CACNA1H: variants seen among roughly 807,000 people sequenced by gnomAD.
CACNA1H encodes voltage-dependent T-type calcium channel subunit alpha-1H.
CACNA1H carries 149 observed loss-of-function variants against 192.5 expected under a neutral mutation model. The observed-to-expected ratio is 0.77, with a 90% CI of 0.68 to 0.89. The LOEUF is 0.89. Among genes scored for constraint, CACNA1H ranks in the 40% least tolerant of loss-of-function variants. The pLI is 0.00. For synonymous variants in CACNA1H, 2,202 were observed against 1,475.2 expected (o/e 1.49, Z -11.29); for missense variants, 4,257 against 3,423.5 (o/e 1.24, Z -6.08).
At chr16:1,198,022 C>T (rs1444866278) in intron 5 of CACNA1H, among the ~76,000 whole-genome samples, 1 of 152,172 alleles carries the variant, frequency 6.6e-6, no homozygotes, top group Non-Finnish European at 1.5e-5. Context: ...CAGCCTCTCT[C>T]TGAGATGGGG....
In CACNA1H at chr16:1,153,372, C is replaced by CGGAGGT. The variant is rs1961828170; in HGVS notation, c.-116_-115insGAGGTG. On this transcript the variant is annotated 5_prime_UTR_variant, in exon 1 of 35. Coordinates refer to ENST00000348261, the MANE Select transcript of CACNA1H (RefSeq NM_021098.3). ...CCGGGGCCGGGGCCGGGGGCGGAGG[C>CGGAGGT]GCTGGGGGCCGGGGCCGGGGCCGGG... is the stretch of plus-strand genomic sequence containing the variant. 8.9e-6 allele frequency: 1 copy of CGGAGGT among 111,854 alleles called. No homozygotes were observed. Among genetic ancestry groups the CGGAGGT allele is most frequent in the Non-Finnish European group, 2.1e-5 (1 of 47,394 alleles). The allele number at this position is 111,854 out of a possible 1,614,324, so 6.9% of individuals were successfully genotyped here.
At position 1,204,366 on chromosome 16, in the gene CACNA1H, C is replaced by A. The variant is rs747178657; in HGVS notation, c.2359C>A (p.Arg787Ser). The change falls in exon 10 of 35, where the codon CGC (arginine) becomes AGC (serine). Residue 787 changes from arginine (R) to serine (S), a missense_variant. Coordinates refer to ENST00000348261, the MANE Select transcript of CACNA1H (RefSeq NM_021098.3). ...CTGGGTTACCTTCAGCGGCAAGCTG[C>A]GCCGCATCGTGGACAGCAAGTACTT... ...RLWVTFSGKLRRIVDSKYFSR... is the reference protein window; with the variant it reads ...RLWVTFSGKLSRIVDSKYFSR... The A allele has an allele frequency of 4.5e-6, 7 of 1,572,548 alleles. No homozygotes were observed. Among genetic ancestry groups the A allele is most frequent in the South Asian group, 3.6e-5 (3 of 83,488 alleles).
chr16:1,190,050 G>A (rs1404825280), intron 2 of CACNA1H, among the ~76,000 whole-genome samples: 2 of 152,204 alleles, frequency 1.3e-5, no homozygotes, highest in African/African-American at 2.4e-5. Context: ...AGGGTGAGTG[G>A]GTGCATTGCT....
chr16:1,210,350 A>ACTC lies in CACNA1H; in HGVS notation c.3846-19_3846-18insTCC. ...TCCACGCCGCCCCGCCCCACCTCTC[A>ACTC]CCCGCCCCCGCCCACCCAGGTTCCG... is the stretch of plus-strand genomic sequence containing the variant. On this transcript the variant is annotated intron_variant, in intron 18 of 34. Transcript: ENST00000348261. The ACTC allele has an allele frequency of 3.2e-6, 1 of 313,946 alleles. No individual in the cohort carries two copies. Among genetic ancestry groups the ACTC allele is most frequent in the Admixed American group, 8.2e-5 (1 of 12,268 alleles). The allele number at this position is 313,946 out of a possible 1,614,324, so 19.4% of individuals were successfully genotyped here.
intron 2 of CACNA1H, among the ~76,000 whole-genome samples, chr16:1,163,334 G>A (rs12051303): frequency 2.0e-5 from 3 of 152,338 alleles, no homozygotes; most frequent in East Asian, 1.9e-4. Flanking sequence ...GGCCGGCGCC[G>A]GGGTACGGTG....
At chr16:1,190,429 C>G (rs886094940) in intron 2 of CACNA1H, among the ~76,000 whole-genome samples, 1 of 152,232 alleles carries the variant, frequency 6.6e-6, no homozygotes, top group Non-Finnish European at 1.5e-5. Flanking sequence ...GGCCAGCCTG[C>G]TCAGCCCAGA....
At chr16:1,188,340 A>G (rs1334729727) in intron 2 of CACNA1H, among the ~76,000 whole-genome samples, 2 of 151,964 alleles carry the variant, frequency 1.3e-5, no homozygotes, top group Non-Finnish European at 2.9e-5. Flanking sequence ...CCCTGTCCCT[A>G]CCCAGGACCC....
At chr16:1,197,634 G>A (rs377053056) in intron 5 of CACNA1H, among the ~76,000 whole-genome samples, 1 of 152,222 alleles carries the variant, frequency 6.6e-6, no homozygotes, top group Non-Finnish European at 1.5e-5. Context: ...GGCGGTTGCG[G>A]TCTGGCCAGG....
At position 1,167,902 on chromosome 16, in the gene CACNA1H, C is replaced by T. The variant is rs946072216; in HGVS notation, c.299+13866C>T. Among the ~76,000 whole-genome samples, 4 of 152,188 alleles carry T rather than the reference C, an allele frequency of 2.6e-5. No homozygotes were observed. Among genetic ancestry groups the T allele is most frequent in the Non-Finnish European group, 2.9e-5 (2 of 68,012 alleles). Reference sequence around the variant, plus strand: ...TGGCAGCAGGTGCTCAGTAAGCACTCGCCCCACCAGTGCGTGGAGCACGTG... The same window carrying T: ...TGGCAGCAGGTGCTCAGTAAGCACTTGCCCCACCAGTGCGTGGAGCACGTG... On this transcript the variant is annotated intron_variant, in intron 2 of 34. Coordinates refer to ENST00000348261, the MANE Select transcript of CACNA1H (RefSeq NM_021098.3). The surrounding 1 kb of genome is among the most constrained non-coding windows in gnomAD (Gnocchi z 4.2).
At chr16:1,178,945 G>A (rs895752525) in intron 2 of CACNA1H, among the ~76,000 whole-genome samples, 4 of 152,200 alleles carry the variant, frequency 2.6e-5, no homozygotes, top group African/African-American at 9.6e-5. Flanking sequence ...CATCTCCCCA[G>A]CAGGCTGGCC....
chr16:1,204,287 G>C lies in CACNA1H; in HGVS notation c.2280G>C (p.Gln760His). The C allele has an allele frequency of 6.2e-7, 1 of 1,602,774 alleles. No individual in the cohort carries two copies. Among genetic ancestry groups the C allele is most frequent in the Non-Finnish European group, 8.5e-7 (1 of 1,174,472 alleles). The change falls in exon 10 of 35, where the codon CAG becomes CAC. Residue 760 changes from glutamine to histidine, a missense_variant. Transcript: ENST00000348261. ...DTPGPGPGSPQRRAQQRAAPG... is the reference protein window; with the variant it reads ...DTPGPGPGSPHRRAQQRAAPG... ...CAGGCCCAGGCCCAGGCAGCCCCCA[G>C]CGGCGGGCACAGCAGAGGGCAGCCC...
In CACNA1H at chr16:1,153,321, C is replaced by CGGGCCGGGGGCGGAGGCGCTGG. The variant is rs1567417310; in HGVS notation, c.-158_-137dup. The CGGGCCGGGGGCGGAGGCGCTGG allele has an allele frequency of 1.8e-4, 25 of 140,154 alleles. No individual in the cohort carries two copies. Among genetic ancestry groups the CGGGCCGGGGGCGGAGGCGCTGG allele is most frequent in the Admixed American group, 1.1e-3 (16 of 14,340 alleles). 8.7% of individuals were successfully genotyped at this position (140,154 alleles called of 1,614,324 possible). On this transcript the variant is annotated 5_prime_UTR_variant, in exon 1 of 35. Transcript: ENST00000348261. Reference sequence around the variant, plus strand: ...CCGGGAGCCGGGCGGGCTGGGGACGCGGGCCGGGGGCGGAGGCGCTGGGGG... The same window carrying CGGGCCGGGGGCGGAGGCGCTGG: ...CCGGGAGCCGGGCGGGCTGGGGACGCGGGCCGGGGGCGGAGGCGCTGGGGGCCGGGGGCGGAGGCGCTGGGGG...
At chr16:1,172,855 C>T (rs886166039) in intron 2 of CACNA1H, among the ~76,000 whole-genome samples, 19 of 152,056 alleles carry the variant, frequency 1.2e-4, no homozygotes, top group African/African-American at 1.9e-4. Flanking sequence ...TCCTCCGAGG[C>T]GGGGCAGGGG....
At position 1,208,089 on chromosome 16, in the gene CACNA1H, C is replaced by T. The variant is rs960879753; in HGVS notation, c.3231C>T (p.Ile1077=). The stretch of plus-strand genomic sequence containing the variant: ...GAGGCAGCCTGTCCCCTCCCCTCAT[C>T]ATGTGCACAGCTGCCACGCCCATGC... ...EGRGSLSPPL[I]MCTAATPMPT... The change falls in exon 16 of 35, where the codon ATC becomes ATT. Residue 1077 remains isoleucine (I), a synonymous_variant. Transcript: ENST00000348261. 5 of 1,600,094 alleles carry T rather than the reference C, an allele frequency of 3.1e-6. No homozygotes were observed. Among genetic ancestry groups the T allele is most frequent in the Non-Finnish European group, 4.3e-6 (5 of 1,174,628 alleles).
In CACNA1H at chr16:1,220,680, C is replaced by A. The variant is rs375586314; in HGVS notation, c.6748C>A (p.Arg2250Ser). 1.1e-5 allele frequency: 18 copies of A among 1,609,328 alleles called. No homozygotes were observed. The highest frequency in any genetic ancestry group is 1.4e-5 in the Non-Finnish European group (17 of 1,178,486). ...AGGDPAAKGERWGQASCRAEH... is the reference protein window; with the variant it reads ...AGGDPAAKGESWGQASCRAEH... Reference sequence around the variant, plus strand: ...GGGGGACCCTGCAGCCAAGGGGGAGCGCTGGGGCCAGGCCTCCTGCCGGGC... The same window carrying A: ...GGGGGACCCTGCAGCCAAGGGGGAGAGCTGGGGCCAGGCCTCCTGCCGGGC... Residue 2250 changes from arginine (R) to serine (S), a missense_variant, in exon 35 of 35, where the codon CGC becomes AGC. Transcript: ENST00000348261.
In CACNA1H at chr16:1,209,156, G is replaced by T; in HGVS notation, c.3488G>T (p.Arg1163Leu). The change falls in exon 17 of 35, where the codon CGT becomes CTT. Residue 1163 changes from arginine (R) to leucine (L), a missense_variant. Coordinates refer to ENST00000348261, the MANE Select transcript of CACNA1H (RefSeq NM_021098.3). ...AAGCGCCGCGGCCAGTGTGGGGAAC[G>T]TGAGTCCCTGCTGTCTGGCGAGGGC... ...SLKRRGQCGERESLLSGEGKG... is the reference protein window; with the variant it reads ...SLKRRGQCGELESLLSGEGKG... 3 of 1,553,558 alleles carry T rather than the reference G, an allele frequency of 1.9e-6. No individual in the cohort carries two copies. Among genetic ancestry groups the T allele is most frequent in the South Asian group, 2.4e-5 (2 of 84,222 alleles).
At chr16:1,164,503 T>C (rs1265105748) in intron 2 of CACNA1H, among the ~76,000 whole-genome samples, 3 of 152,182 alleles carry the variant, frequency 2.0e-5, no homozygotes, top group Non-Finnish European at 2.9e-5. Context: ...GGCCTCATAC[T>C]CTGTTCTCTC....
intron 6 of CACNA1H, among the ~76,000 whole-genome samples, chr16:1,199,969 C>T (rs183269120): frequency 2.7e-5 from 4 of 149,568 alleles, no homozygotes; most frequent in African/African-American, 4.8e-5. Flanking sequence ...CATCCCTGTT[C>T]TTTGTGTGTT....
chr16:1,201,594 C>G (rs1483017088), intron 8 of CACNA1H, 69 bp from the exon 9 acceptor site: 1 of 1,485,640 alleles, frequency 6.7e-7, no homozygotes, highest in African/African-American at 1.4e-5. Flanking sequence ...AGGCAGCGCA[C>G]AGTAGGGCTC....
Sources: gnomAD v4.1 joint callset for allele counts (sites outside exome capture counted in the v4.1 genomes callset) on GRCh38, gnomAD v4.1.1 for gene constraint, Gnocchi (gnomAD v3.1) non-coding constraint, MANE v1.5 for transcripts, NCBI Gene and HGNC (gene_info 2026-07-23, HGNC 2026-07-21) for gene names.